DEF8: variants seen among roughly 807,000 people sequenced by gnomAD.
The protein encoded by DEF8 is DEF-8.
Under a neutral mutation model 59.1 loss-of-function variants are expected in DEF8, and 38 were observed. The observed-to-expected ratio is 0.64, with a 90% CI of 0.50 to 0.84. The LOEUF (loss-of-function observed/expected upper bound fraction) is 0.84. Ranked by LOEUF, DEF8 falls within the 40% of genes least tolerant of loss-of-function variation. The probability of loss-of-function intolerance (pLI) is 0.00; values close to 1 mark genes in which losing one functional copy is unlikely to be tolerated. For synonymous variants in DEF8, 265 were observed against 250.1 expected (o/e 1.06, Z -0.56); for missense variants, 557 against 615.2 (o/e 0.91, Z 1.00).
chr16:89,955,005 C>G (rs1279546886), intron 3 of DEF8, among the ~76,000 whole-genome samples, 164 bp from the exon 4 acceptor site: 3 of 152,166 alleles, frequency 2.0e-5, no homozygotes. Context: ...TGAATGCAGA[C>G]TGGACGGTGT....
intron 4 of DEF8, among the ~76,000 whole-genome samples, chr16:89,955,942 A>G (rs1453344313): frequency 6.6e-6 from 1 of 151,690 alleles, no homozygotes; most frequent in Admixed American, 6.6e-5. Context: ...GCGTGGTGGC[A>G]CATGCCTGTA....
chr16:89,961,469 G>A (rs566646826), intron 7 of DEF8, among the ~76,000 whole-genome samples: 12 of 152,218 alleles, frequency 7.9e-5, no homozygotes, highest in Non-Finnish European at 1.5e-4. Context: ...ACATGTGCGC[G>A]TCAGCTCTTC....
In DEF8 at chr16:89,954,235, G is replaced by A. The variant is rs2032721521; in HGVS notation, c.-10-8G>A. The A allele has an allele frequency of 3.7e-6, 6 of 1,610,864 alleles. No homozygotes were observed. The highest frequency in any genetic ancestry group is 4.2e-6 in the Non-Finnish European group (5 of 1,179,326). ...TGGGGACTCATCCTGGCCCTGCCTG[G>A]CCCTCAGGTGGGATGCTATGGAATA... On this transcript the variant is annotated splice_polypyrimidine_tract_variant and splice_region_variant and intron_variant, in intron 2 of 12. Transcript: ENST00000563594. The surrounding 1 kb of genome is among the most constrained non-coding windows in gnomAD (Gnocchi z 4.3).
intron 4 of DEF8, chr16:89,957,217 G>A: frequency 3.8e-6 from 1 of 263,478 alleles, no homozygotes; most frequent in Non-Finnish European, 7.3e-6. Flanking sequence ...TAACAAAAAA[G>A]CATCTGGATT....
chr16:89,960,303 G>C (rs988844220), intron 6 of DEF8, among the ~76,000 whole-genome samples: 3 of 152,082 alleles, frequency 2.0e-5, no homozygotes, highest in African/African-American at 7.2e-5. Context: ...GTGAGGAGTC[G>C]CTAAGGGCAG....
At chr16:89,959,644 G>A (rs1191500462) in intron 6 of DEF8, among the ~76,000 whole-genome samples, 9 of 152,146 alleles carry the variant, frequency 5.9e-5, no homozygotes, top group African/African-American at 2.2e-4. Context: ...ACAGGTGCCC[G>A]CCACCACGCC....
At chr16:89,952,494 C>A in intron 2 of DEF8, 1 of 152,328 alleles carries the variant, frequency 6.6e-6, no homozygotes. Flanking sequence ...GTCACTTTAC[C>A]AGGTCTAGCT....
chr16:89,961,790 A>G lies in DEF8; in HGVS notation c.733A>G (p.Ser245Gly), dbSNP rs1178893929. 1.2e-6 allele frequency: 2 copies of G among 1,613,562 alleles called. No individual in the cohort carries two copies. The highest frequency in any genetic ancestry group is 1.7e-6 in the Non-Finnish European group (2 of 1,179,902). ...CGACTACACCGGCCAGTACTACTGCAGCCACTGCCACTGGAACGACCTGGC... is the reference window on the plus strand; with the variant it reads ...CGACTACACCGGCCAGTACTACTGCGGCCACTGCCACTGGAACGACCTGGC... ...QCDYTGQYYC[S>G]HCHWNDLAVI... Residue 245 changes from serine (S) to glycine (G), a missense_variant, in exon 8 of 13, where the codon AGC becomes GGC. Transcript: ENST00000563594.
At chr16:89,957,750 C>T in intron 5 of DEF8, 90 bp downstream of exon 5, 10 of 1,414,462 alleles carry the variant, frequency 7.1e-6, no homozygotes, top group Non-Finnish European at 8.4e-6. Flanking sequence ...CTGGCTCTCT[C>T]TCAGGCGGTG....
At chr16:89,962,225 T>C (rs985891521) in intron 9 of DEF8, 100 bp downstream of exon 9, 147 of 1,114,172 alleles carry the variant, frequency 1.3e-4, no homozygotes, top group Admixed American at 2.2e-4. Flanking sequence ...CGGGAGGTTC[T>C]GAGCAGAGGA....
intron 2 of DEF8, 100 bp downstream of exon 2, chr16:89,949,613 G>A (rs779996196): frequency 1.9e-6 from 3 of 1,612,474 alleles, no homozygotes; most frequent in African/African-American, 2.7e-5. Context: ...TGGTGGTCAC[G>A]CCGCGGGCAG....
chr16:89,958,183 C>G (rs1011578782), intron 5 of DEF8: 1 of 155,930 alleles, frequency 6.4e-6, no homozygotes, highest in Non-Finnish European at 1.4e-5. Context: ...CTGGCCAGTT[C>G]TGGGTCATGT....
Position 89,955,218 on chromosome 16 carries a change from ACGCGTGAT to A in DEF8, c.175_182del (p.Arg59GlyfsTer6). On this transcript the variant is annotated frameshift_variant, in exon 4 of 13. Coordinates refer to ENST00000563594, the MANE Select transcript of DEF8 (RefSeq NM_001242818.2). LOFTEE classifies it high-confidence loss of function. ...GGGAGCCGGAATTCCGCTGCCCTGA[ACGCGTGAT>A]GGATCTCGGCCTGTCTGAGGACCAC... 1 of 1,613,218 alleles carries A rather than the reference ACGCGTGAT, an allele frequency of 6.2e-7. No homozygotes were observed.
chr16:89,958,027 TGGCAGAGACGGTCCCGGCAA>T (rs1422229664), intron 5 of DEF8: 1 of 171,900 alleles, frequency 5.8e-6, no homozygotes, highest in Non-Finnish European at 1.3e-5. Flanking sequence ...CCCTGTGCGG[TGGCAGAGACGGTCCCGGCAA>T]CCACATCTTG....
At position 89,966,397 on chromosome 16, in the gene DEF8, C is replaced by T. The variant is rs1365185348; in HGVS notation, c.*434C>T. Reference sequence around the variant, plus strand: ...AGCTTCAGAGGAGTGTTGAGTGACACCTGAGGATGCGGCTGCACACACTCA... The same window carrying T: ...AGCTTCAGAGGAGTGTTGAGTGACATCTGAGGATGCGGCTGCACACACTCA... On this transcript the variant is annotated 3_prime_UTR_variant, in exon 13 of 13. Transcript: ENST00000563594. 6.3e-6 allele frequency: 1 copy of T among 157,648 alleles called. No individual in the cohort carries two copies. The highest frequency in any genetic ancestry group is 2.4e-5 in the African/African-American group (1 of 41,582). 9.8% of individuals were successfully genotyped at this position (157,648 alleles called of 1,614,324 possible). A position where few individuals can be genotyped will look rare whatever the true frequency, so the allele number is the denominator to read the frequency against.
In DEF8 at chr16:89,960,779, G is replaced by T; in HGVS notation, c.515-152G>T. ...AGGGGCCAGGGAGAAAAGGATCTTT[G>T]AGGTTCTAAGGCCTCCCTTGGTGCC... On this transcript the variant is annotated intron_variant, in intron 6 of 12. Transcript: ENST00000563594. 6.5e-6 allele frequency: 5 copies of T among 771,394 alleles called. No homozygotes were observed. The South Asian group carries it at 7.2e-5, about 11-fold the overall frequency. The allele number at this position is 771,394 out of a possible 1,614,324, so 47.8% of individuals were successfully genotyped here. A position where few individuals can be genotyped will look rare whatever the true frequency, so the allele number is the denominator to read the frequency against.
chr16:89,960,940 A>G lies in DEF8; in HGVS notation c.524A>G (p.Tyr175Cys), dbSNP rs1375433691. ...TGTCCCTCCACCCTAGGGTGTTATT[A>G]CCGCTGTCACAGTAAGTGCTTGAAC... ...QTWYTCTGCY[Y>C]RCHSKCLNLI... The change falls in exon 7 of 13, where the codon TAC (tyrosine) becomes TGC (cysteine). Residue 175 changes from tyrosine (Y) to cysteine (C), a missense_variant. By Grantham distance (194) the Tyr-to-Cys change is radical. Coordinates refer to ENST00000563594, the MANE Select transcript of DEF8 (RefSeq NM_001242818.2). 5 of 1,613,624 alleles carry G rather than the reference A, an allele frequency of 3.1e-6. No individual in the cohort carries two copies. The South Asian group carries it at 5.5e-5, about 18-fold the overall frequency.
At chr16:89,956,872 G>C (rs1424903378) in intron 4 of DEF8, 2 of 152,230 alleles carry the variant, frequency 1.3e-5, no homozygotes, top group Non-Finnish European at 2.9e-5. Flanking sequence ...GCAAGGGGGA[G>C]GGGAGGGTGC....
chr16:89,963,607 A>G lies in DEF8; in HGVS notation c.1002+164A>G, dbSNP rs2034311849. Among the ~76,000 whole-genome samples the G allele has an allele frequency of 2.6e-5, 4 of 152,140 alleles. No individual in the cohort carries two copies. The South Asian group carries it at 8.3e-4, about 32-fold the overall frequency. ...AAAGCAAACAGGTGTTCTGCCTACAAAAGAGTTCTCCAGTCAGTTCCGTTT... is the reference window on the plus strand; with the variant it reads ...AAAGCAAACAGGTGTTCTGCCTACAGAAGAGTTCTCCAGTCAGTTCCGTTT... On this transcript the variant is annotated intron_variant, in intron 10 of 12. Coordinates refer to ENST00000563594, the MANE Select transcript of DEF8 (RefSeq NM_001242818.2).
Sources: allele counts gnomAD v4.1 joint callset (sites outside exome capture counted in the v4.1 genomes callset), GRCh38; gene constraint gnomAD v4.1.1; non-coding constraint Gnocchi (gnomAD v3.1); transcripts MANE v1.5; gene names NCBI Gene and HGNC (gene_info 2026-07-23, HGNC 2026-07-21).